The following BICC1 variants were observed in gnomAD, a reference collection of about 807,000 sequenced individuals.
BICC1 encodes the protein protein bicaudal C homolog 1.
A neutral mutation model predicts 111.0 loss-of-function variants in BICC1; 43 were observed. That is an observed-to-expected ratio of 0.39 (90% CI 0.30 to 0.50). The LOEUF (loss-of-function observed/expected upper bound fraction) is 0.50, where lower values mean the gene tolerates loss of function less well. Ranked by LOEUF, BICC1 falls within the 20% of genes least tolerant of loss-of-function variation. The pLI is 0.88. For missense variants in BICC1, 1,091 were observed against 1,203.2 expected (o/e 0.91, Z 1.38); for synonymous variants, 467 against 434.4 (o/e 1.07, Z -0.93).
intron 1 of BICC1, among the ~76,000 whole-genome samples, chr10:58,528,500 C>G (rs1309150552): frequency 6.6e-6 from 1 of 151,848 alleles, no homozygotes; most frequent in Non-Finnish European, 1.5e-5. Flanking sequence ...TAATATATCT[C>G]TAGATACTTG....
At chr10:58,548,173 TTC>T (rs1843190763) in intron 1 of BICC1, among the ~76,000 whole-genome samples, 1 of 152,242 alleles carries the variant, frequency 6.6e-6, no homozygotes, top group Non-Finnish European at 1.5e-5. Flanking sequence ...CATTGGAGTT[TTC>T]TCTCATTGCT....
At chr10:58,615,307 T>C (rs1386756413) in intron 1 of BICC1, among the ~76,000 whole-genome samples, 1 of 152,246 alleles carries the variant, frequency 6.6e-6, no homozygotes, top group Non-Finnish European at 1.5e-5. Context: ...GTGATTCAAA[T>C]GGCCTCCATC....
chr10:58,682,635 T>TTCATGTG (rs1297171800), intron 2 of BICC1, among the ~76,000 whole-genome samples: 11 of 152,232 alleles, frequency 7.2e-5, no homozygotes, highest in Non-Finnish European at 1.6e-4. Context: ...TGAGCATTTT[T>TTCATGTG]TCATGTGTCA....
chr10:58,646,242 A>G (rs909595045), intron 2 of BICC1, among the ~76,000 whole-genome samples: 2 of 152,230 alleles, frequency 1.3e-5, no homozygotes, highest in Non-Finnish European at 1.5e-5. Context: ...CTAACAGTTT[A>G]AAAGTCAGCA....
At chr10:58,812,286 C>T (rs941390213) in intron 17 of BICC1, among the ~76,000 whole-genome samples, 1 of 151,866 alleles carries the variant, frequency 6.6e-6, no homozygotes, top group African/African-American at 2.4e-5. Flanking sequence ...GGACTTTTGG[C>T]TGGAGCAGCT....
At chr10:58,771,157 G>A (rs1842614730) in intron 3 of BICC1, among the ~76,000 whole-genome samples, 3 of 152,150 alleles carry the variant, frequency 2.0e-5, no homozygotes, top group African/African-American at 7.2e-5. Context: ...ACTGAGAGAA[G>A]TAGGGTGATT....
intron 1 of BICC1, among the ~76,000 whole-genome samples, chr10:58,609,384 G>A (rs1173843040): frequency 6.6e-6 from 1 of 152,160 alleles, no homozygotes. Flanking sequence ...GCCTGTAGCT[G>A]TGTGCTCTAC....
rs183217606 is a variant in BICC1 at position 58,582,684 on chromosome 10, G to A, written c.191-38171G>A. 2.3e-3 allele frequency among the ~76,000 whole-genome samples: 343 copies of A among 152,268 alleles called. 1 individual carries two copies. Among genetic ancestry groups the A allele is most frequent in the African/African-American group, 8.0e-3 (333 of 41,554 alleles). ...AAAATTAGAAAGTTGACAGAGCTGC[G>A]TTCCTTCTAGAAGCCCTGGGGGAGG... On this transcript the variant is annotated intron_variant, in intron 1 of 20. Transcript: ENST00000373886.
intron 8 of BICC1, among the ~76,000 whole-genome samples, chr10:58,791,984 G>T (rs562915305): frequency 6.6e-6 from 1 of 152,108 alleles, no homozygotes; most frequent in African/African-American, 2.4e-5. Flanking sequence ...TAGAGATGGG[G>T]TTTCACTATG....
chr10:58,623,930 C>T (rs1387765820), intron 2 of BICC1, among the ~76,000 whole-genome samples: 2 of 151,866 alleles, frequency 1.3e-5, no homozygotes, highest in Non-Finnish European at 1.5e-5. Flanking sequence ...TTTGCAGGCA[C>T]TATTCACCAC....
chr10:58,572,369 G>A (rs999255052), intron 1 of BICC1, among the ~76,000 whole-genome samples: 5 of 151,744 alleles, frequency 3.3e-5, no homozygotes, highest in African/African-American at 7.3e-5. Flanking sequence ...GTTGTGACAC[G>A]TCTTCATCAT....
chr10:58,796,991 G>A (rs2893790), intron 10 of BICC1, among the ~76,000 whole-genome samples: 57,905 of 151,888 alleles, frequency 0.38, 11,182 homozygotes, highest in East Asian at 0.55. Context: ...GGCCTGCCTT[G>A]CCTAGATACA....
chr10:58,566,224 GTA>G (rs1037564510), intron 1 of BICC1, among the ~76,000 whole-genome samples: 13 of 150,336 alleles, frequency 8.6e-5, no homozygotes, highest in African/African-American at 2.5e-4. Context: ...TTGCATATGT[GTA>G]TATCTATACA....
At chr10:58,537,642 A>C (rs1842857653) in intron 1 of BICC1, among the ~76,000 whole-genome samples, 1 of 151,834 alleles carries the variant, frequency 6.6e-6, no homozygotes, top group Non-Finnish European at 1.5e-5. Context: ...CAGAGCAATC[A>C]GGCAAGAGAA....
chr10:58,731,709 AGAG>A (rs1841301413), intron 3 of BICC1, among the ~76,000 whole-genome samples: 1 of 108 alleles, frequency 9.3e-3, no homozygotes, highest in Non-Finnish European at 0.016. Flanking sequence ...GGACAAGGGG[AGAG>A]AGAGAGAGAG....
chr10:58,648,431 CA>C, intron 2 of BICC1: 3 of 855,824 alleles, frequency 3.5e-6, no homozygotes, highest in Non-Finnish European at 4.2e-6. Context: ...GAATCTAAGC[CA>C]AAAAAGGCAT....
chr10:58,816,763 G>A (rs1028350546), intron 18 of BICC1, among the ~76,000 whole-genome samples: 1 of 148,668 alleles, frequency 6.7e-6, no homozygotes, highest in Non-Finnish European at 1.5e-5. Context: ...GTGTGTGTGT[G>A]TGTGTGTGTG....
At chr10:58,675,680 G>A (rs1589005092) in intron 2 of BICC1, among the ~76,000 whole-genome samples, 1 of 152,322 alleles carries the variant, frequency 6.6e-6, no homozygotes, top group South Asian at 2.1e-4. Context: ...CAGTTCTGGT[G>A]TACAGCATGA....
intron 6 of BICC1, 64 bp from the exon 7 acceptor site, chr10:58,789,198 A>G: frequency 1.5e-6 from 2 of 1,350,790 alleles, no homozygotes; most frequent in African/African-American, 1.4e-5. Context: ...CCAATGAATG[A>G]TACACATGTC....
Sources: allele counts gnomAD v4.1 joint callset (sites outside exome capture counted in the v4.1 genomes callset), GRCh38; gene constraint gnomAD v4.1.1; transcripts MANE v1.5; gene names NCBI Gene and HGNC (gene_info 2026-07-23, HGNC 2026-07-21).